Variants in AP2A1 observed in about 807,000 individuals in gnomAD.
AP2A1 encodes the protein adaptor related protein complex 2 subunit alpha 1, also known as AP-2 complex subunit alpha-1.
Under a neutral mutation model 107.3 loss-of-function variants are expected in AP2A1, and 21 were observed. The ratio of observed to expected loss-of-function variants is 0.20; its 90% CI spans 0.14 to 0.28. The LOEUF (loss-of-function observed/expected upper bound fraction) is 0.28, where lower values mean the gene tolerates loss of function less well. Among genes scored for constraint, AP2A1 ranks in the 10% least tolerant of loss-of-function variants. AP2A1 has a pLI of 1.00. For missense variants in AP2A1, 873 were observed against 1,307.7 expected, an observed-to-expected ratio of 0.67 and a Z score of 5.13; for synonymous variants, 602 against 564.8, an observed-to-expected ratio of 1.07 and a Z score of -0.93.
At chr19:49,772,477 C>T (rs1448669571) in intron 1 of AP2A1, among the ~76,000 whole-genome samples, 4 of 147,992 alleles carry the variant, frequency 2.7e-5, no homozygotes, top group African/African-American at 1.0e-4. Flanking sequence ...AGTGCCTGGC[C>T]CCCTTCTCTA....
Position 49,801,068 on chromosome 19 carries a change from C to G in AP2A1, c.1553+10C>G. 1 of 1,594,376 alleles carries G rather than the reference C, an allele frequency of 6.3e-7. No homozygotes were observed. The highest frequency in any genetic ancestry group is 8.5e-7 in the Non-Finnish European group (1 of 1,170,218). ...GGGACCCCCGCTCCAGGTGAGGGAG[C>G]CTCAGCCTGCAGGGGAGAACACACA... is the stretch of plus-strand genomic sequence containing the variant. On this transcript the variant is annotated intron_variant, in intron 12 of 22. Transcript: ENST00000354293.
Position 49,805,671 on chromosome 19 carries a change from GC to G in AP2A1, c.2485del (p.Gln829ArgfsTer5). On this transcript the variant is annotated frameshift_variant, in exon 20 of 23. Coordinates refer to ENST00000354293, the MANE Select transcript of AP2A1 (RefSeq NM_130787.3). LOFTEE classifies it high-confidence loss of function. ...LLSVRFRYGG[A>X]PQALTLKLPV... is the part of the protein sequence containing the mutation. ...CTTTCACCTCATCAGGTACGGTGGC[GC>G]CCCCCAGGCCCTCACCCTGAAGCTC... The G allele has an allele frequency of 1.9e-6, 3 of 1,561,560 alleles. No homozygotes were observed. The highest frequency in any genetic ancestry group is 2.6e-6 in the Non-Finnish European group (3 of 1,153,820).
chr19:49,793,860 G>GAGA (rs1048729867), intron 6 of AP2A1, among the ~76,000 whole-genome samples: 1 of 146,902 alleles, frequency 6.8e-6, no homozygotes, highest in Non-Finnish European at 1.5e-5. Flanking sequence ...CGCAGGCAAA[G>GAGA]AGAAGAACAC....
At chr19:49,793,138 C>T in intron 6 of AP2A1, 46 bp downstream of exon 6, 1 of 1,506,396 alleles carries the variant, frequency 6.6e-7, no homozygotes, top group South Asian at 1.2e-5. Flanking sequence ...CCCTGGCATC[C>T]CTATGCCCTC....
At chr19:49,780,060 A>G (rs2084658046) in intron 1 of AP2A1, among the ~76,000 whole-genome samples, 1 of 152,160 alleles carries the variant, frequency 6.6e-6, no homozygotes, top group Non-Finnish European at 1.5e-5. Flanking sequence ...TTGAATGCAC[A>G]CCCCACCCTG....
In AP2A1 at chr19:49,806,256, G is replaced by C; in HGVS notation, c.2790+3G>C. 1 of 1,600,258 alleles carries C rather than the reference G, an allele frequency of 6.2e-7. No individual in the cohort carries two copies. Among genetic ancestry groups the C allele is most frequent in the Non-Finnish European group, 8.5e-7 (1 of 1,173,152 alleles). ...TGGAGCCCAATGCCCAGGCCCAGGT[G>C]AGTGCTGCTGTGGGAGGCCTGAGGC... On this transcript the variant is annotated splice_donor_region_variant and intron_variant, in intron 22 of 22. Transcript: ENST00000354293.
At position 49,799,936 on chromosome 19, in the gene AP2A1, G is replaced by C; in HGVS notation, c.1273-32G>C. The C allele has an allele frequency of 1.2e-6, 2 of 1,606,650 alleles. 1 individual carries two copies. Among genetic ancestry groups the C allele is most frequent in the South Asian group, 2.2e-5 (2 of 90,718 alleles). On this transcript the variant is annotated intron_variant, in intron 10 of 22. Coordinates refer to ENST00000354293, the MANE Select transcript of AP2A1 (RefSeq NM_130787.3). ...TGAGTGAAAGCCCGACATGGCCTGC[G>C]GCACACTCTCTCTCACACGCCCCGG...
intron 7 of AP2A1, 58 bp downstream of exon 7, chr19:49,795,796 C>G (rs1487375887): frequency 1.5e-6 from 2 of 1,296,220 alleles, no homozygotes; most frequent in Non-Finnish European, 2.2e-6. Context: ...ATCTGGGGGC[C>G]TCCTGCTCCA....
At position 49,806,184 on chromosome 19, in the gene AP2A1, G is replaced by C; in HGVS notation, c.2721G>C (p.Ala907=). The C allele has an allele frequency of 6.3e-7, 1 of 1,596,268 alleles. No homozygotes were observed. Among genetic ancestry groups the C allele is most frequent in the Non-Finnish European group, 8.5e-7 (1 of 1,171,896 alleles). Residue 907 remains alanine, a synonymous_variant, in exon 22 of 23, where the codon GCG becomes GCC. Transcript: ENST00000354293. ...CCAACCCTGAGAACTTCGTGGGGGCGGGGATCATCCAGACTAAAGCCCTGC... is the reference window on the plus strand; with the variant it reads ...CCAACCCTGAGAACTTCGTGGGGGCCGGGATCATCCAGACTAAAGCCCTGC... ...VDPNPENFVG[A]GIIQTKALQV... is the part of the protein sequence containing the mutation.
chr19:49,805,351 A>G, intron 18 of AP2A1, 102 bp from the exon 19 acceptor site: 1 of 1,347,558 alleles, frequency 7.4e-7, no homozygotes. Flanking sequence ...GGGGTCCCTC[A>G]AAGACCTGCA....
rs1394693642 is a variant in AP2A1 at position 49,805,691 on chromosome 19, G to A, written c.2499G>A (p.Leu833=). 1.3e-6 allele frequency: 2 copies of A among 1,567,538 alleles called. No homozygotes were observed. The highest frequency in any genetic ancestry group is 1.7e-6 in the Non-Finnish European group (2 of 1,157,170). ...GTGGCGCCCCCCAGGCCCTCACCCT[G>A]AAGCTCCCAGTGACCATCAACAAGT... ...RYGGAPQALT[L]KLPVTINKFF... The change falls in exon 20 of 23, where the codon CTG becomes CTA. Residue 833 remains leucine, a synonymous_variant. Coordinates refer to ENST00000354293, the MANE Select transcript of AP2A1 (RefSeq NM_130787.3).
chr19:49,792,148 C>T (rs1183278318), intron 5 of AP2A1, 84 bp downstream of exon 5: 2 of 1,445,402 alleles, frequency 1.4e-6, no homozygotes, highest in Non-Finnish European at 1.9e-6. Flanking sequence ...GCTCCCACCT[C>T]AGCCCTCACA....
At chr19:49,795,416 C>T (rs150733943) in intron 6 of AP2A1, among the ~76,000 whole-genome samples, 7 of 152,228 alleles carry the variant, frequency 4.6e-5, no homozygotes, top group Admixed American at 6.5e-5. Context: ...CAGGACATTG[C>T]GGGACTGAGG....
rs2084509134 is a variant in AP2A1 at position 49,767,023 on chromosome 19, C to G, written c.-111C>G. 1 of 1,175,088 alleles carries G rather than the reference C, an allele frequency of 8.5e-7. No homozygotes were observed. The highest frequency in any genetic ancestry group is 1.1e-6 in the Non-Finnish European group (1 of 901,458). 72.8% of individuals were successfully genotyped at this position (1,175,088 alleles called of 1,614,324 possible). A position where few individuals can be genotyped will look rare whatever the true frequency, so the allele number is the denominator to read the frequency against. Reference sequence around the variant, plus strand: ...CCCGCCAGCCAGCCCTCCCCGCGGCCGGCTCGGCTCCTTGGCGCTGCCTGG... The same window carrying G: ...CCCGCCAGCCAGCCCTCCCCGCGGCGGGCTCGGCTCCTTGGCGCTGCCTGG... On this transcript the variant is annotated 5_prime_UTR_variant, in exon 1 of 23. Coordinates refer to ENST00000354293, the MANE Select transcript of AP2A1 (RefSeq NM_130787.3).
In AP2A1 at chr19:49,801,402, G is replaced by T; in HGVS notation, c.1566G>T (p.Gln522His). ...AGDPRSSPPVQFSLLHSKFHL... is the reference protein window; with the variant it reads ...AGDPRSSPPVHFSLLHSKFHL... ...CTCCTGCACACAGCCCCCCAGTGCA[G>T]TTCTCCCTGCTCCACTCCAAGTTCC... is the stretch of plus-strand genomic sequence containing the variant. The change falls in exon 13 of 23, where the codon CAG (glutamine) becomes CAT (histidine). Residue 522 changes from glutamine (Q) to histidine (H), a missense_variant. Gln to His is a conservative substitution (Grantham distance 24, BLOSUM62 0). Around this residue, in one of 4 missense-constraint regions of AP2A1, gnomAD observed 213 missense variants for 443.5 expected, o/e 0.48. Transcript: ENST00000354293. 6.2e-7 allele frequency: 1 copy of T among 1,613,464 alleles called. No homozygotes were observed.
rs574516552 is a variant in AP2A1 at position 49,788,768 on chromosome 19, C to G, written c.474-3167C>G. On this transcript the variant is annotated intron_variant, in intron 4 of 22. Coordinates refer to ENST00000354293, the MANE Select transcript of AP2A1 (RefSeq NM_130787.3). This position sits in a 1 kb window ranked among gnomAD's most constrained non-coding sequence, Gnocchi z 4.5. ...AGGGCTCGGGAGATGTGCGCTGTGA[C>G]GGAGGTGGGAAAGTGCCGTCACAAA... is the stretch of plus-strand genomic sequence containing the variant. Among the ~76,000 whole-genome samples, 1 of 152,150 alleles carries G rather than the reference C, an allele frequency of 6.6e-6. No individual in the cohort carries two copies. Among genetic ancestry groups the G allele is most frequent in the Non-Finnish European group, 1.5e-5 (1 of 68,016 alleles).
intron 8 of AP2A1, 129 bp downstream of exon 8, chr19:49,799,081 G>A: frequency 7.5e-7 from 1 of 1,326,164 alleles, no homozygotes; most frequent in South Asian, 1.5e-5. Flanking sequence ...GGAGGATGGG[G>A]CTGTGAAGTG....
intron 2 of AP2A1, 43 bp from the exon 3 acceptor site, chr19:49,781,904 C>G (rs747508351): frequency 1.9e-6 from 3 of 1,605,372 alleles, no homozygotes; most frequent in Non-Finnish European, 2.6e-6. Flanking sequence ...TCCTGTGACC[C>G]TTCCTTATTT....
intron 4 of AP2A1, among the ~76,000 whole-genome samples, chr19:49,787,686 T>C (rs1267472160): frequency 6.6e-6 from 1 of 152,016 alleles, no homozygotes; most frequent in African/African-American, 2.4e-5. Flanking sequence ...CAGTGGTTTC[T>C]AGTATATTGA....
Sources: gnomAD v4.1 joint callset for allele counts (sites outside exome capture counted in the v4.1 genomes callset) on GRCh38, gnomAD v4.1.1 for gene constraint, gnomAD v4.1.1 regional missense constraint, Gnocchi (gnomAD v3.1) non-coding constraint, MANE v1.5 for transcripts, NCBI Gene and HGNC (gene_info 2026-07-23, HGNC 2026-07-21) for gene names.